Variants in BMERB1 observed in about 807,000 individuals in gnomAD.
BMERB1 encodes the protein bMERB domain containing 1.
BMERB1 carries 12 observed loss-of-function variants against 23.6 expected under a neutral mutation model. The observed-to-expected ratio is 0.51, with a 90% CI of 0.33 to 0.82. The LOEUF is 0.82. Ranked by LOEUF, BMERB1 falls within the 40% of genes least tolerant of loss-of-function variation. BMERB1 has a pLI of 0.03. For synonymous variants in BMERB1, 122 were observed against 96.6 expected, an observed-to-expected ratio of 1.26 and a Z score of -1.54; for missense variants, 247 against 255.4, an observed-to-expected ratio of 0.97 and a Z score of 0.22.
chr16:15,560,363 A>C (rs1305510542), intron 2 of BMERB1, among the ~76,000 whole-genome samples: 1 of 152,228 alleles, frequency 6.6e-6, no homozygotes, highest in Non-Finnish European at 1.5e-5. Flanking sequence ...GAACCCTCGG[A>C]GTAGAAGTGG....
intron 1 of BMERB1, among the ~76,000 whole-genome samples, chr16:15,453,174 AAAC>A (rs1009783470): frequency 2.0e-5 from 3 of 152,166 alleles, no homozygotes; most frequent in African/African-American, 4.8e-5. Context: ...TCTGTCTCAA[AAAC>A]AACAACAACA....
At chr16:15,454,378 A>C (rs1199993385) in intron 1 of BMERB1, among the ~76,000 whole-genome samples, 1 of 152,194 alleles carries the variant, frequency 6.6e-6, no homozygotes. Context: ...CCTTCGAGGA[A>C]GACAGAGTTG....
chr16:15,450,141 T>C (rs547073334), intron 1 of BMERB1, among the ~76,000 whole-genome samples: 24 of 152,270 alleles, frequency 1.6e-4, no homozygotes, highest in African/African-American at 5.8e-4. Context: ...TCTACCACCG[T>C]ACTCCAAAGC....
intron 2 of BMERB1, among the ~76,000 whole-genome samples, chr16:15,535,759 T>C (rs941618202): frequency 6.7e-6 from 1 of 150,230 alleles, no homozygotes; most frequent in East Asian, 2.0e-4. Context: ...AAAAAAAAAA[T>C]ACCAAAGATT....
intron 2 of BMERB1, among the ~76,000 whole-genome samples, chr16:15,522,245 G>C (rs2051862168): frequency 3.9e-5 from 6 of 152,276 alleles, no homozygotes; most frequent in Admixed American, 3.9e-4. Flanking sequence ...CAGCAGGCAG[G>C]GAAGGTAGGC....
intron 1 of BMERB1, among the ~76,000 whole-genome samples, chr16:15,441,706 A>G (rs2150920881): frequency 6.6e-6 from 1 of 152,030 alleles, no homozygotes; most frequent in South Asian, 2.1e-4. Flanking sequence ...TTTTTGGTAG[A>G]GATGGGGTTT....
intron 1 of BMERB1, chr16:15,447,921 C>A: frequency 2.2e-6 from 1 of 455,810 alleles, no homozygotes; most frequent in South Asian, 1.5e-5. Flanking sequence ...CAGAGTCTTG[C>A]TGTTGTCTCC....
At chr16:15,514,951 G>A (rs2051727732) in intron 1 of BMERB1, among the ~76,000 whole-genome samples, 1 of 151,986 alleles carries the variant, frequency 6.6e-6, no homozygotes, top group Non-Finnish European at 1.5e-5. Flanking sequence ...GCGAGGTGTC[G>A]GGCACCTGTA....
At chr16:15,493,055 T>C (rs2051437605) in intron 1 of BMERB1, among the ~76,000 whole-genome samples, 1 of 151,894 alleles carries the variant, frequency 6.6e-6, no homozygotes, top group South Asian at 2.1e-4. Context: ...ACCTGTGCAG[T>C]ACCCCTTAAA....
intron 1 of BMERB1, among the ~76,000 whole-genome samples, chr16:15,461,637 A>G (rs923973026): frequency 3.9e-5 from 6 of 152,076 alleles, no homozygotes; most frequent in Non-Finnish European, 7.4e-5. Flanking sequence ...AAAATACTAG[A>G]TGTGGCCGGA....
intron 1 of BMERB1, among the ~76,000 whole-genome samples, chr16:15,465,825 A>AG (rs1258392254): frequency 6.6e-6 from 1 of 152,248 alleles, no homozygotes; most frequent in Non-Finnish European, 1.5e-5. Context: ...GTCATAAACA[A>AG]TCTGTGATAT....
In BMERB1 at chr16:15,435,157, C is replaced by G. The variant is rs189645419; in HGVS notation, c.106+398C>G. Among the ~76,000 whole-genome samples the G allele has an allele frequency of 2.0e-4, 31 of 152,344 alleles. 1 individual carries two copies. The East Asian group carries it at 5.4e-3, about 27-fold the overall frequency. ...GCGGGACCGTCCTGGAAAGCGCCCA[C>G]GTCCCTGGAGAGGGGGGAGTGTCTG... On this transcript the variant is annotated intron_variant, in intron 1 of 5. Coordinates refer to ENST00000300006, the MANE Select transcript of BMERB1 (RefSeq NM_033201.3).
chr16:15,571,145 C>A (rs2030714258), intron 3 of BMERB1, among the ~76,000 whole-genome samples: 1 of 151,334 alleles, frequency 6.6e-6, no homozygotes, highest in Admixed American at 6.5e-5. Context: ...TTTACCCAGC[C>A]CCTATTCAAG....
At chr16:15,468,296 C>T (rs1041275041) in intron 1 of BMERB1, among the ~76,000 whole-genome samples, 1 of 151,628 alleles carries the variant, frequency 6.6e-6, no homozygotes, top group African/African-American at 2.4e-5. Context: ...TAGGTGTGCA[C>T]CTCCCCACCT....
chr16:15,480,611 T>C (rs1815209977), intron 1 of BMERB1, among the ~76,000 whole-genome samples: 1 of 125,636 alleles, frequency 8.0e-6, no homozygotes, highest in Non-Finnish European at 1.7e-5. Flanking sequence ...ACTGTCTTTT[T>C]TTTTTTTTTT....
At chr16:15,561,460 G>T (rs577696578) in intron 2 of BMERB1, among the ~76,000 whole-genome samples, 116 of 151,120 alleles carry the variant, frequency 7.7e-4, no homozygotes, top group African/African-American at 2.7e-3. Context: ...GTAGAGAAAG[G>T]GTCTCACCAC....
At chr16:15,489,498 C>G (rs2051398919) in intron 1 of BMERB1, among the ~76,000 whole-genome samples, 1 of 152,088 alleles carries the variant, frequency 6.6e-6, no homozygotes, top group Non-Finnish European at 1.5e-5. Flanking sequence ...AAGCCCAGTC[C>G]CACATCGAGG....
At chr16:15,479,009 C>T (rs1454117497) in intron 1 of BMERB1, among the ~76,000 whole-genome samples, 4 of 152,106 alleles carry the variant, frequency 2.6e-5, no homozygotes, top group Admixed American at 6.6e-5. Context: ...TTTTTGTTTG[C>T]GTAGAACATC....
chr16:15,566,832 A>C (rs28620594), intron 2 of BMERB1, among the ~76,000 whole-genome samples: 1 of 152,126 alleles, frequency 6.6e-6, no homozygotes, highest in Admixed American at 6.5e-5. Context: ...ATTGCAAAAA[A>C]TTTTTGTGCA....
Sources: allele counts gnomAD v4.1 joint callset (sites outside exome capture counted in the v4.1 genomes callset), GRCh38; gene constraint gnomAD v4.1.1; transcripts MANE v1.5; gene names NCBI Gene and HGNC (gene_info 2026-07-23, HGNC 2026-07-21).